The following SHISA9 variants were observed in gnomAD, a reference collection of about 807,000 sequenced individuals.
The protein encoded by SHISA9 is protein shisa-9.
In SHISA9, 13 loss-of-function variants were observed where a neutral mutation model predicts 38.0. That is an observed-to-expected ratio of 0.34 (90% CI 0.22 to 0.54). The LOEUF (loss-of-function observed/expected upper bound fraction) is 0.54. Among genes scored for constraint, SHISA9 ranks in the 20% least tolerant of loss-of-function variants. The pLI is 0.91. For synonymous variants in SHISA9, 275 were observed against 242.0 expected (o/e 1.14, Z -1.27); for missense variants, 538 against 575.8 (o/e 0.93, Z 0.67).
chr16:13,337,191 T>A, the SHISA9 span, among the ~76,000 whole-genome samples: 3 of 152,066 alleles, frequency 2.0e-5, no homozygotes, highest in Non-Finnish European at 4.4e-5. Context: ...CCCACCCCAG[T>A]CTCATCTTGA....
the SHISA9 span, among the ~76,000 whole-genome samples, chr16:13,536,086 C>T: frequency 6.6e-6 from 1 of 152,004 alleles, no homozygotes; most frequent in Non-Finnish European, 1.5e-5. Flanking sequence ...GCAACCTCCG[C>T]TTCCCAGGTT....
the SHISA9 span, among the ~76,000 whole-genome samples, chr16:13,464,829 A>G: frequency 0.022 from 2,817 of 128,904 alleles, 87 homozygotes; most frequent in African/African-American, 0.076. Context: ...GCCCACCCCC[A>G]CCCCCCACCT....
At chr16:13,267,797 G>C in the SHISA9 span, among the ~76,000 whole-genome samples, 2 of 151,664 alleles carry the variant, frequency 1.3e-5, no homozygotes, top group African/African-American at 4.8e-5. Flanking sequence ...GAACTAATAG[G>C]ATCCTGCAGG....
chr16:13,209,360 C>T (rs2051096890), intron 3 of SHISA9, among the ~76,000 whole-genome samples: 1 of 152,104 alleles, frequency 6.6e-6, no homozygotes, highest in South Asian at 2.1e-4. Flanking sequence ...TGAAAGTTAA[C>T]TCATGTCAGG....
the SHISA9 span, among the ~76,000 whole-genome samples, chr16:13,461,915 G>A: frequency 6.6e-6 from 1 of 151,950 alleles, no homozygotes; most frequent in Non-Finnish European, 1.5e-5. Context: ...GCCCGGCCTA[G>A]ACTTACTTTC....
In SHISA9 at chr16:13,201,767, T is replaced by A. The variant is rs951469173; in HGVS notation, c.692-1627T>A. 4.7e-5 allele frequency among the ~76,000 whole-genome samples: 6 copies of A among 127,832 alleles called. 1 individual carries two copies. The highest frequency in any genetic ancestry group is 1.6e-4 in the African/African-American group (5 of 31,588). 83.9% of individuals were successfully genotyped at this position (127,832 alleles called of 152,430 possible). A position where few individuals can be genotyped will look rare whatever the true frequency, so the allele number is the denominator to read the frequency against. Reference sequence around the variant, plus strand: ...TCAGTGTCAGCGGGACATTGGTTGCTGACCACTTGAGGATGAGGTGTGTGA... The same window carrying A: ...TCAGTGTCAGCGGGACATTGGTTGCAGACCACTTGAGGATGAGGTGTGTGA... On this transcript the variant is annotated intron_variant, in intron 2 of 4. Transcript: ENST00000558583.
chr16:13,541,929 A>G, the SHISA9 span, among the ~76,000 whole-genome samples: 104,337 of 152,136 alleles, frequency 0.69, 36,370 homozygotes, highest in East Asian at 0.97. Context: ...TGTCCAGCCA[A>G]GACCTCAGAA....
intron 2 of SHISA9, among the ~76,000 whole-genome samples, chr16:12,990,075 C>T (rs191373981): frequency 6.6e-6 from 1 of 152,280 alleles, no homozygotes; most frequent in East Asian, 1.9e-4. Context: ...ATGATGGCTT[C>T]TGGCTCTATC....
intron 2 of SHISA9, among the ~76,000 whole-genome samples, chr16:13,027,841 C>T (rs1242442279): frequency 6.8e-6 from 1 of 146,074 alleles, no homozygotes; most frequent in African/African-American, 2.5e-5. Context: ...ACAGTAGAAT[C>T]ACTTGAACCC....
the SHISA9 span, among the ~76,000 whole-genome samples, chr16:13,390,018 G>A: frequency 6.6e-6 from 1 of 152,124 alleles, no homozygotes; most frequent in East Asian, 1.9e-4. Context: ...GATCCCAACT[G>A]ACAAGTGCAA....
At chr16:12,950,481 T>G (rs983853095) in intron 2 of SHISA9, among the ~76,000 whole-genome samples, 1 of 152,222 alleles carries the variant, frequency 6.6e-6, no homozygotes, top group African/African-American at 2.4e-5. Flanking sequence ...AAATAGCAGA[T>G]GCTGGTGAGG....
intron 2 of SHISA9, among the ~76,000 whole-genome samples, chr16:13,000,872 G>A (rs1383004725): frequency 3.3e-5 from 5 of 152,184 alleles, no homozygotes; most frequent in Non-Finnish European, 7.3e-5. Context: ...CTGGACAGCT[G>A]GGAGATGAAA....
the SHISA9 span, among the ~76,000 whole-genome samples, chr16:13,522,021 C>G: frequency 2.0e-3 from 307 of 152,288 alleles, 1 homozygote; most frequent in Non-Finnish European, 3.5e-3. Context: ...AAACGGAACT[C>G]TAAAACAACA....
At chr16:13,337,774 T>G in the SHISA9 span, among the ~76,000 whole-genome samples, 5 of 152,122 alleles carry the variant, frequency 3.3e-5, no homozygotes, top group Non-Finnish European at 7.4e-5. Flanking sequence ...CCCCTGCTGT[T>G]CTTATGACAG....
At chr16:13,073,383 G>A (rs1191245732) in intron 2 of SHISA9, among the ~76,000 whole-genome samples, 1 of 152,166 alleles carries the variant, frequency 6.6e-6, no homozygotes, top group Non-Finnish European at 1.5e-5. Flanking sequence ...TAGACATCTG[G>A]CACTTGCTAA....
chr16:13,233,691 T>A (rs1173526264), intron 4 of SHISA9, among the ~76,000 whole-genome samples: 1 of 152,224 alleles, frequency 6.6e-6, no homozygotes, highest in African/African-American at 2.4e-5. Flanking sequence ...CCCCGTGGGC[T>A]ATAGTTTGCC....
the SHISA9 span, among the ~76,000 whole-genome samples, chr16:13,348,336 G>A: frequency 6.6e-6 from 1 of 152,066 alleles, no homozygotes; most frequent in Non-Finnish European, 1.5e-5. Context: ...CCAAAAGTGT[G>A]AGATTTTGGA....
At chr16:13,197,363 T>C (rs1375227132) in intron 2 of SHISA9, among the ~76,000 whole-genome samples, 4 of 152,242 alleles carry the variant, frequency 2.6e-5, no homozygotes, top group South Asian at 2.1e-4. Context: ...TTAATATTTG[T>C]CTCTTCTGCA....
chr16:13,015,281 G>C (rs945650477), intron 2 of SHISA9, among the ~76,000 whole-genome samples: 9 of 152,228 alleles, frequency 5.9e-5, no homozygotes, highest in African/African-American at 1.4e-4. Flanking sequence ...ACAAAGCCTA[G>C]AATATTAACT....
Sources: allele counts gnomAD v4.1 joint callset (sites outside exome capture counted in the v4.1 genomes callset), GRCh38; gene constraint gnomAD v4.1.1; transcripts MANE v1.5; gene names NCBI Gene and HGNC (gene_info 2026-07-23, HGNC 2026-07-21).